Variants in ALG13 observed in about 807,000 individuals in gnomAD.
The protein encoded by ALG13 is UDP-N-acetylglucosamine transferase subunit ALG13.
ALG13 carries 11 observed loss-of-function variants against 87.8 expected under a neutral mutation model. The ratio of observed to expected loss-of-function variants is 0.13; its 90% CI spans 0.08 to 0.21. The LOEUF is 0.21. Among genes scored for constraint, ALG13 ranks in the 10% least tolerant of loss-of-function variants. The pLI, the probability that ALG13 is intolerant of heterozygous loss-of-function variation, is 1.00. For synonymous variants in ALG13, 320 were observed against 306.3 expected, an observed-to-expected ratio of 1.04 and a Z score of -0.47; for missense variants, 756 against 866.1, an observed-to-expected ratio of 0.87 and a Z score of 1.60.
rs1238527103 is a variant in ALG13, at chrX:111,681,494, G to C, written c.81+195G>C. On this transcript the variant is annotated intron_variant, in intron 1 of 26. Coordinates refer to ENST00000394780, the MANE Select transcript of ALG13 (RefSeq NM_001099922.3). ...CCTTCTCCGGCTACCCGGCCACTCG[G>C]GGTTGCCTGTTTCCTCTTCCCATTA... The C allele has an allele frequency of 4.3e-5, 45 of 1,041,316 alleles. 1 individual carries two copies. The highest frequency in any genetic ancestry group is 4.2e-5 in the Non-Finnish European group (34 of 803,824). 85.8% of individuals were successfully genotyped at this position (1,041,316 alleles called of 1,213,427 possible).
Position 111,760,558 on chromosome X carries a change from G to A in ALG13, c.*559G>A, listed in dbSNP as rs1476522564. ...ATCCCATATGCTATTGTTTAATACTGGATGTATGTAAGTGTTTTACTGCAC... is the reference window on the plus strand; with the variant it reads ...ATCCCATATGCTATTGTTTAATACTAGATGTATGTAAGTGTTTTACTGCAC... On this transcript the variant is annotated 3_prime_UTR_variant, in exon 27 of 27. Coordinates refer to ENST00000394780, the MANE Select transcript of ALG13 (RefSeq NM_001099922.3). The A allele has an allele frequency of 2.6e-5, 3 of 113,228 alleles. No homozygotes were observed. The highest frequency in any genetic ancestry group is 5.6e-5 in the Non-Finnish European group (3 of 53,774). 9.3% of individuals were successfully genotyped at this position (113,228 alleles called of 1,213,427 possible). A position where few individuals can be genotyped will look rare whatever the true frequency, so the allele number is the denominator to read the frequency against.
intron 24 of ALG13, among the ~76,000 whole-genome samples, chrX:111,750,403 C>T (rs970572368): frequency 1.8e-5 from 2 of 111,353 alleles, no homozygotes; most frequent in African/African-American, 3.3e-5. Context: ...GTACTTTATT[C>T]TTTTTTATGG....
intron 17 of ALG13, 51 bp downstream of exon 17, chrX:111,727,496 C>G: frequency 9.0e-7 from 1 of 1,105,165 alleles, no homozygotes; most frequent in Non-Finnish European, 1.2e-6. Flanking sequence ...GATTTCATTG[C>G]TGAACATTAA....
intron 21 of ALG13, among the ~76,000 whole-genome samples, chrX:111,733,476 G>T (rs1682311981): frequency 9.0e-6 from 1 of 111,397 alleles, no homozygotes; most frequent in Admixed American, 9.5e-5. Flanking sequence ...TTGTTTCTTT[G>T]TATGGCTGAG....
chrX:111,686,152 C>A, intron 3 of ALG13: 1 of 1,121,666 alleles, frequency 8.9e-7, no homozygotes, highest in Non-Finnish European at 1.2e-6. Context: ...CCTTGAGACA[C>A]TAGAAGCTTG....
chrX:111,754,896 C>A (rs1463831543), intron 25 of ALG13, among the ~76,000 whole-genome samples: 1 of 111,844 alleles, frequency 8.9e-6, no homozygotes, highest in Non-Finnish European at 1.9e-5. Context: ...CCATTGACTT[C>A]CTTCACAGAA....
rs767413843 is a variant in ALG13, at chrX:111,744,502, A to AT, written c.2696-165dup. Among the ~76,000 whole-genome samples the AT allele has an allele frequency of 2.5e-3, 279 of 111,405 alleles. 1 individual carries two copies. The highest frequency in any genetic ancestry group is 4.6e-3 in the Admixed American group (48 of 10,409). ...TGTTATGAACTAGTTCTCCATTGGTATGTCTAAGAGAATGTAGACAATTCA... is the reference window on the plus strand; with the variant it reads ...TGTTATGAACTAGTTCTCCATTGGTATTGTCTAAGAGAATGTAGACAATTCA... On this transcript the variant is annotated intron_variant, in intron 23 of 26. Transcript: ENST00000394780.
At chrX:111,735,228 C>A in intron 22 of ALG13, 106 bp downstream of exon 22, 1 of 511,117 alleles carries the variant, frequency 2.0e-6, no homozygotes, top group Non-Finnish European at 3.3e-6. Context: ...TGCTTTTGTT[C>A]CTTTAGGTAT....
intron 3 of ALG13, among the ~76,000 whole-genome samples, chrX:111,700,958 G>A (rs1937759948): frequency 9.1e-6 from 1 of 109,850 alleles, no homozygotes; most frequent in Non-Finnish European, 1.9e-5. Flanking sequence ...TGCTTTCTCT[G>A]CATCTATTTA....
rs760176996 is a variant in ALG13, at chrX:111,681,572, G to A, written c.81+273G>A. The stretch of plus-strand genomic sequence containing the variant: ...TCAGCTCCTTTTCCGGTCTGCCCCC[G>A]CGCTCTATTCTCCGCCTCCGCGTCC... On this transcript the variant is annotated intron_variant, in intron 1 of 26. Coordinates refer to ENST00000394780, the MANE Select transcript of ALG13 (RefSeq NM_001099922.3). The A allele has an allele frequency of 1.5e-4, 139 of 953,617 alleles. 1 individual carries two copies. In the African/African-American group the frequency reaches 2.4e-3, roughly 17 times the overall value. 78.6% of individuals were successfully genotyped at this position (953,617 alleles called of 1,213,427 possible). A position where few individuals can be genotyped will look rare whatever the true frequency, so the allele number is the denominator to read the frequency against.
intron 3 of ALG13, among the ~76,000 whole-genome samples, chrX:111,697,212 A>G (rs1937096808): frequency 9.0e-6 from 1 of 111,651 alleles, no homozygotes; most frequent in South Asian, 3.7e-4. Context: ...AAGGTGTTTG[A>G]TAAAGGCTAG....
chrX:111,726,727 AAGGC>A (rs1942092790), intron 15 of ALG13, 78 bp from the exon 16 acceptor site: 1 of 1,084,765 alleles, frequency 9.2e-7, no homozygotes, highest in African/African-American at 1.8e-5. Context: ...TGGAAAGTTT[AAGGC>A]AGTGTGGTGG....
At position 111,744,884 on chromosome X, in the gene ALG13, G is replaced by A. The variant is rs2148407042; in HGVS notation, c.2912G>A (p.Ser971Asn). 12 of 1,208,181 alleles carry A rather than the reference G, an allele frequency of 9.9e-6. No homozygotes were observed. The highest frequency in any genetic ancestry group is 1.2e-5 in the Non-Finnish European group (11 of 893,937). ...CCTCCACCTTATTCCTGTGATCCAA[G>A]CGGCAGTGATTTGCCTCAAGGTAAG... ...LPPPPYSCDP[S>N]GSDLPQDTKV... Residue 971 changes from serine (S) to asparagine (N), a missense_variant, in exon 24 of 27, where the codon AGC (serine) becomes AAC (asparagine). Ser to Asn is a conservative substitution (Grantham distance 46). This residue lies in a region of ALG13 where 7 missense variants were observed against 28.9 expected (regional missense o/e 0.24). Coordinates refer to ENST00000394780, the MANE Select transcript of ALG13 (RefSeq NM_001099922.3).
At position 111,760,117 on chromosome X, in the gene ALG13, C is replaced by G; in HGVS notation, c.*118C>G. ...GATTAGTGTTTACTATTGTATTTGT[C>G]TTTAAAATTATTTTATCTTTTGATT... is the stretch of plus-strand genomic sequence containing the variant. On this transcript the variant is annotated 3_prime_UTR_variant, in exon 27 of 27. Transcript: ENST00000394780. 1 of 787,849 alleles carries G rather than the reference C, an allele frequency of 1.3e-6. No individual in the cohort carries two copies. The highest frequency in any genetic ancestry group is 1.7e-6 in the Non-Finnish European group (1 of 574,380). 64.9% of individuals were successfully genotyped at this position (787,849 alleles called of 1,213,427 possible).
chrX:111,726,240 T>TTG (rs1942016362), intron 15 of ALG13, among the ~76,000 whole-genome samples: 1 of 98,412 alleles, frequency 1.0e-5, no homozygotes, highest in African/African-American at 3.8e-5. Context: ...TTGTTTTTTT[T>TTG]TTTTTTTTTT....
intron 15 of ALG13, 146 bp from the exon 16 acceptor site, chrX:111,726,663 A>G (rs1419972079): frequency 4.5e-6 from 3 of 659,839 alleles, no homozygotes; most frequent in Non-Finnish European, 7.0e-6. Flanking sequence ...ATATCCTTCA[A>G]AAATACAAAA....
At chrX:111,715,481 G>T (rs1360517662) in intron 8 of ALG13, among the ~76,000 whole-genome samples, 1 of 112,081 alleles carries the variant, frequency 8.9e-6, no homozygotes, top group African/African-American at 3.2e-5. Flanking sequence ...ACTTTGGGAG[G>T]TCGAGGTGGG....
Position 111,686,130 on chromosome X carries a change from C to T in ALG13, c.383+1027C>T, listed in dbSNP as rs1331805042. 6 of 1,112,247 alleles carry T rather than the reference C, an allele frequency of 5.4e-6. No individual in the cohort carries two copies. In the African/African-American group the frequency reaches 7.3e-5, roughly 14 times the overall value. The allele number at this position is 1,112,247 out of a possible 1,213,427, so 91.7% of individuals were successfully genotyped here. On this transcript the variant is annotated intron_variant, in intron 3 of 26. Transcript: ENST00000394780. ...ATGAAGAAAATTACTTGTTTGTTTT[C>T]TATTAGTTCTTCCTTGAGACACTAG...
chrX:111,688,594 T>A (rs774624451), intron 3 of ALG13: 1 of 742,037 alleles, frequency 1.3e-6, no homozygotes, highest in African/African-American at 2.6e-5. Context: ...TACAAAGTGA[T>A]AAAATAATCG....
Sources: allele counts gnomAD v4.1 joint callset (sites outside exome capture counted in the v4.1 genomes callset), GRCh38; gene constraint gnomAD v4.1.1; regional missense constraint gnomAD v4.1.1; transcripts MANE v1.5; gene names NCBI Gene and HGNC (gene_info 2026-07-23, HGNC 2026-07-21).